PITPNM3: variants seen among roughly 807,000 people sequenced by gnomAD.
PITPNM3 encodes the protein membrane-associated phosphatidylinositol transfer protein 3.
Under a neutral mutation model 102.0 loss-of-function variants are expected in PITPNM3, and 26 were observed. The ratio of observed to expected loss-of-function variants is 0.25; its 90% CI spans 0.19 to 0.35. PITPNM3 has a LOEUF of 0.35. Among genes scored for constraint, PITPNM3 ranks in the 10% least tolerant of loss-of-function variants. The pLI is 1.00. For missense variants in PITPNM3, 1,083 were observed against 1,346.1 expected (o/e 0.80, Z 3.06); for synonymous variants, 578 against 558.6 (o/e 1.03, Z -0.49).
At chr17:6,518,887 G>C (rs1292935419) in intron 3 of PITPNM3, among the ~76,000 whole-genome samples, 1 of 152,192 alleles carries the variant, frequency 6.6e-6, no homozygotes, top group Non-Finnish European at 1.5e-5. Context: ...ATGTTTGTTG[G>C]TAAAACATTG....
At chr17:6,534,609 T>TG (rs1045083462) in intron 2 of PITPNM3, among the ~76,000 whole-genome samples, 2 of 151,990 alleles carry the variant, frequency 1.3e-5, no homozygotes, top group Non-Finnish European at 2.9e-5. Flanking sequence ...CTGGTGGTGG[T>TG]GGGGGGCAGG....
In PITPNM3 at chr17:6,457,625, C is replaced by T. The variant is rs745742678; in HGVS notation, c.2588G>A (p.Arg863Gln). The T allele has an allele frequency of 1.2e-6, 2 of 1,612,370 alleles. No homozygotes were observed. Among genetic ancestry groups the T allele is most frequent in the Non-Finnish European group, 1.7e-6 (2 of 1,179,426 alleles). ...LPASQIFIVG[R>Q]PTKKYQTQCQ... ...CTGGGTTTGGTACTTCTTGGTGGGC[C>T]GGCCCACAATGAAGATCTGGGAGGC... Residue 863 changes from arginine (R) to glutamine (Q), a missense_variant, in exon 19 of 20, where the codon CGG (arginine) becomes CAG (glutamine). Physicochemically the swap from Arg to Gln is conservative, Grantham distance 43. Transcript: ENST00000262483. This position sits in a 1 kb window ranked among gnomAD's most constrained non-coding sequence, Gnocchi z 4.7.
intron 14 of PITPNM3, among the ~76,000 whole-genome samples, chr17:6,465,346 C>T (rs182537803): frequency 2.0e-5 from 3 of 152,196 alleles, no homozygotes; most frequent in African/African-American, 7.2e-5. Flanking sequence ...GTGCCTGGCC[C>T]GTTCTCTGTT....
intron 1 of PITPNM3, among the ~76,000 whole-genome samples, chr17:6,546,931 C>A (rs927474711): frequency 1.3e-5 from 2 of 151,862 alleles, no homozygotes; most frequent in African/African-American, 2.4e-5. Flanking sequence ...TGCTTGAACC[C>A]GGGAGGTGGA....
At chr17:6,516,933 A>G (rs1463645247) in intron 3 of PITPNM3, among the ~76,000 whole-genome samples, 1 of 152,166 alleles carries the variant, frequency 6.6e-6, no homozygotes, top group African/African-American at 2.4e-5. Context: ...AAACCATATT[A>G]CTCACAAAGG....
At chr17:6,495,371 T>TCCAAAAGCTCTTTTGTTC (rs1412078498) in intron 4 of PITPNM3, among the ~76,000 whole-genome samples, 4 of 152,280 alleles carry the variant, frequency 2.6e-5, no homozygotes, top group South Asian at 4.1e-4. Context: ...GGCTTTTGTT[T>TCCAAAAGCTCTTTTGTTC]CCAAAAGCTC....
intron 1 of PITPNM3, among the ~76,000 whole-genome samples, chr17:6,553,058 C>T (rs1910404764): frequency 6.7e-6 from 1 of 150,334 alleles, no homozygotes; most frequent in East Asian, 2.0e-4. Flanking sequence ...GCACGAACCA[C>T]CGCACCGAGC....
chr17:6,555,876 C>G (rs1910575158), intron 1 of PITPNM3, among the ~76,000 whole-genome samples: 2 of 151,982 alleles, frequency 1.3e-5, no homozygotes, highest in South Asian at 4.2e-4. Context: ...GCCGGCGCGG[C>G]ACGGGGCTCC....
At chr17:6,484,724 T>A (rs1428099455) in intron 4 of PITPNM3, among the ~76,000 whole-genome samples, 1 of 152,210 alleles carries the variant, frequency 6.6e-6, no homozygotes, top group Non-Finnish European at 1.5e-5. Context: ...TTGACTGGGC[T>A]GAGAGGTGCC....
chr17:6,471,069 C>A (rs1905042779), intron 12 of PITPNM3, 92 bp downstream of exon 12: 1 of 1,458,398 alleles, frequency 6.9e-7, no homozygotes. Context: ...CCAGGGCCTG[C>A]CCTCAGCAGC....
rs373564103 is a variant in PITPNM3, at chr17:6,477,199, C to T, written c.915G>A (p.Ala305=). 123 of 1,613,950 alleles carry T rather than the reference C, an allele frequency of 7.6e-5. No homozygotes were observed. Among genetic ancestry groups the T allele is most frequent in the East Asian group, 1.6e-4 (7 of 44,878 alleles). ...TGGCCAGGCTGCAATCTTCCTCCAC[C>T]GCGACTGGGGTGTCCTTTGGGACCG... is the stretch of plus-strand genomic sequence containing the variant. ...SISSTQDTPV[A]VEEDCSLASS... The change falls in exon 9 of 20, where the codon GCG becomes GCA. Residue 305 remains alanine, a synonymous_variant. Transcript: ENST00000262483.
chr17:6,468,366 C>T lies in PITPNM3; in HGVS notation c.1774-25G>A, dbSNP rs761001017. The T allele has an allele frequency of 1.2e-5, 19 of 1,609,330 alleles. No individual in the cohort carries two copies. The highest frequency in any genetic ancestry group is 5.0e-5 in the Admixed American group (3 of 59,992). On this transcript the variant is annotated intron_variant, in intron 13 of 19. Coordinates refer to ENST00000262483, the MANE Select transcript of PITPNM3 (RefSeq NM_031220.4). The surrounding 1 kb of genome is among the most constrained non-coding windows in gnomAD (Gnocchi z 5.2). ...CCTAGCCAAGAGCCGAGCAGGGCCCCGGTCAGGTCTTCTGGCTTCTCTGCT... is the reference window on the plus strand; with the variant it reads ...CCTAGCCAAGAGCCGAGCAGGGCCCTGGTCAGGTCTTCTGGCTTCTCTGCT...
At chr17:6,547,492 C>T (rs990719952) in intron 1 of PITPNM3, among the ~76,000 whole-genome samples, 7 of 152,138 alleles carry the variant, frequency 4.6e-5, no homozygotes, top group Non-Finnish European at 8.8e-5. Context: ...AGGCTCTCTC[C>T]TCCCTCTAAA....
chr17:6,474,717 T>G, intron 9 of PITPNM3, 113 bp from the exon 10 acceptor site: 1 of 1,307,816 alleles, frequency 7.6e-7, no homozygotes. Context: ...CAACCCTCCA[T>G]CTCTGGGGCG....
chr17:6,493,451 G>A (rs1906616592), intron 4 of PITPNM3, among the ~76,000 whole-genome samples: 1 of 152,228 alleles, frequency 6.6e-6, no homozygotes, highest in African/African-American at 2.4e-5. Flanking sequence ...GGTTTCTGGA[G>A]AGCCATTCCA....
At chr17:6,535,829 G>A (rs1286578140) in intron 2 of PITPNM3, among the ~76,000 whole-genome samples, 6 of 151,096 alleles carry the variant, frequency 4.0e-5, no homozygotes, top group South Asian at 2.1e-4. Context: ...AGGCCAAGAC[G>A]GGCAGATCAC....
chr17:6,508,180 TG>T (rs1236935433), intron 3 of PITPNM3, among the ~76,000 whole-genome samples: 6 of 151,992 alleles, frequency 3.9e-5, no homozygotes, highest in Non-Finnish European at 8.8e-5. Flanking sequence ...AAGCTTCACG[TG>T]GGTAAGAAGA....
Position 6,511,046 on chromosome 17 carries a change from T to C in PITPNM3, c.227-7472A>G, listed in dbSNP as rs571411212. ...GAGATAACCTTGGTATTACTGGGTT[T>C]AGCAACAATTTGACAGCCCCTTTAT... On this transcript the variant is annotated intron_variant, in intron 3 of 19. Transcript: ENST00000262483. Among the ~76,000 whole-genome samples, 5 of 152,332 alleles carry C rather than the reference T, an allele frequency of 3.3e-5. No individual in the cohort carries two copies. In the South Asian group the frequency reaches 1.0e-3, roughly 32 times the overall value.
At chr17:6,476,726 G>C (rs9897963) in intron 9 of PITPNM3, among the ~76,000 whole-genome samples, 2,334 of 152,302 alleles carry the variant, frequency 0.015, 67 homozygotes, top group African/African-American at 0.054. Flanking sequence ...AGTGAAGTAG[G>C]CTGGGCAGCA....
Sources: allele counts gnomAD v4.1 joint callset (sites outside exome capture counted in the v4.1 genomes callset), GRCh38; gene constraint gnomAD v4.1.1; non-coding constraint Gnocchi (gnomAD v3.1); transcripts MANE v1.5; gene names NCBI Gene and HGNC (gene_info 2026-07-23, HGNC 2026-07-21).